ROPN1: variants seen among roughly 807,000 people sequenced by gnomAD.
ROPN1 encodes the protein ropporin-1A.
A neutral mutation model predicts 20.5 loss-of-function variants in ROPN1; 14 were observed. The ratio of observed to expected loss-of-function variants is 0.68; its 90% CI spans 0.45 to 1.07. The LOEUF (loss-of-function observed/expected upper bound fraction) is 1.07, where lower values mean the gene tolerates loss of function less well. Ranked by LOEUF, ROPN1 falls within the 50% of genes least tolerant of loss-of-function variation. The probability of loss-of-function intolerance (pLI) is 0.00; values close to 1 mark genes in which losing one functional copy is unlikely to be tolerated. For missense variants in ROPN1, 169 were observed against 242.8 expected (o/e 0.70, Z 2.02); for synonymous variants, 76 against 95.7 (o/e 0.79, Z 1.20).
intron 4 of ROPN1, 87 bp from the exon 5 acceptor site, chr3:123,970,304 A>C (rs1214053855): frequency 1.7e-6 from 2 of 1,198,772 alleles, no homozygotes; most frequent in Non-Finnish European, 2.4e-6. Context: ...GAAAACAAAA[A>C]TATTGCTCTT....
At position 123,980,362 on chromosome 3, in the gene ROPN1, G is replaced by T. The variant is rs749731397; in HGVS notation, c.116+4C>A. 3 of 1,614,072 alleles carry T rather than the reference G, an allele frequency of 1.9e-6. No individual in the cohort carries two copies. In the South Asian group the frequency reaches 3.3e-5, roughly 18 times the overall value. ...AGGGGTGAAGGCGAGAAAGGAGCAC[G>T]TACTCGGCTGCCCACTGGATGAGGT... is the stretch of plus-strand genomic sequence containing the variant. On this transcript the variant is annotated splice_donor_region_variant and intron_variant, in intron 2 of 5. Coordinates refer to ENST00000405845, the MANE Select transcript of ROPN1 (RefSeq NM_001317774.2).
chr3:123,969,915 A>T, intron 5 of ROPN1, 127 bp downstream of exon 5: 1 of 892,286 alleles, frequency 1.1e-6, no homozygotes, highest in Non-Finnish European at 1.7e-6. Flanking sequence ...CAGATCATCC[A>T]TATTTCATGT....
chr3:123,985,876 G>T (rs1023572746), intron 1 of ROPN1, among the ~76,000 whole-genome samples: 4 of 151,034 alleles, frequency 2.6e-5, no homozygotes, highest in Non-Finnish European at 5.9e-5. Flanking sequence ...GCCGGGCATG[G>T]TGGCACATGC....
chr3:123,978,853 A>T (rs1365425103), intron 2 of ROPN1: 4 of 153,328 alleles, frequency 2.6e-5, no homozygotes, highest in Admixed American at 6.6e-5. Flanking sequence ...ATGGATGTCT[A>T]AAAAAATTAT....
chr3:123,976,870 A>G lies in ROPN1; in HGVS notation c.228T>C (p.His76=). The change falls in exon 3 of 6, where the codon CAT becomes CAC. Residue 76 remains histidine (H), a synonymous_variant. Coordinates refer to ENST00000405845, the MANE Select transcript of ROPN1 (RefSeq NM_001317774.2). ...ELTPELLKIL[H]SQVAGRLIIR... ...GCTGCAGCAGGGCCCTTACCTGAGAATGCAGGATCTTTAACAGCTCAGGTG... is the reference window on the plus strand; with the variant it reads ...GCTGCAGCAGGGCCCTTACCTGAGAGTGCAGGATCTTTAACAGCTCAGGTG... 6.2e-7 allele frequency: 1 copy of G among 1,605,444 alleles called. No homozygotes were observed. The highest frequency in any genetic ancestry group is 8.5e-7 in the Non-Finnish European group (1 of 1,174,972).
intron 1 of ROPN1, among the ~76,000 whole-genome samples, chr3:123,987,859 A>G (rs781009560): frequency 5.9e-5 from 9 of 152,206 alleles, no homozygotes; most frequent in Non-Finnish European, 1.2e-4. Context: ...TTTATTATTT[A>G]ACAAATGAAT....
In ROPN1 at chr3:123,970,111, A is replaced by G. The variant is rs1242551055; in HGVS notation, c.503T>C (p.Ile168Thr). ...FSTFQFLYTY[I>T]AKVDGEISAS... ...AGAGATCTCCCCATCCACTTTGGCA[A>G]TATACGTGTAGAGAAACTGGAAGGT... Residue 168 changes from isoleucine to threonine, a missense_variant, in exon 5 of 6, where the codon ATT becomes ACT. Ile to Thr is a moderately conservative substitution (Grantham distance 89, BLOSUM62 -1). This residue lies in a region of ROPN1 where 82 missense variants were observed against 100.1 expected (regional missense o/e 0.82). Transcript: ENST00000405845. 24 of 1,614,094 alleles carry G rather than the reference A, an allele frequency of 1.5e-5. No individual in the cohort carries two copies. Among genetic ancestry groups the G allele is most frequent in the Non-Finnish European group, 1.9e-5 (22 of 1,180,050 alleles).
rs767711435 is a variant in ROPN1 at position 123,980,372 on chromosome 3, G to C, written c.110C>G (p.Ala37Gly). 1.4e-4 allele frequency: 234 copies of C among 1,614,060 alleles called. No homozygotes were observed. The highest frequency in any genetic ancestry group is 1.7e-4 in the Non-Finnish European group (197 of 1,180,024). ...GCGAGAAAGGAGCACGTACTCGGCT[G>C]CCCACTGGATGAGGTCCTGCGGCTG... ...RVQPQDLIQW[A>G]ADYFEALSRG... Residue 37 changes from alanine (A) to glycine (G), a missense_variant, in exon 2 of 6, where the codon GCA (alanine) becomes GGA (glycine). Ala to Gly is a moderately conservative substitution (Grantham distance 60). Transcript: ENST00000405845.
rs189333316 is a variant in ROPN1, at chr3:123,970,548, A to G, written c.397-331T>C. Among the ~76,000 whole-genome samples the G allele has an allele frequency of 4.7e-3, 717 of 152,304 alleles. 4 individuals are homozygous for G. Among genetic ancestry groups the G allele is most frequent in the Admixed American group, 7.9e-3 (121 of 15,296 alleles). On this transcript the variant is annotated intron_variant, in intron 4 of 5. Coordinates refer to ENST00000405845, the MANE Select transcript of ROPN1 (RefSeq NM_001317774.2). ...GGGAAGTTGATTTGCATTCTATATA[A>G]TTAGAATTATTTCTTCTTATTACCC... is the stretch of plus-strand genomic sequence containing the variant.
At chr3:123,990,326 G>A (rs2038377069) in intron 1 of ROPN1, among the ~76,000 whole-genome samples, 2 of 152,144 alleles carry the variant, frequency 1.3e-5, no homozygotes, top group Non-Finnish European at 2.9e-5. Context: ...AAGAGAAGGT[G>A]GAGAAGGAGG....
chr3:123,984,799 A>G (rs1170536154), intron 1 of ROPN1, among the ~76,000 whole-genome samples: 1 of 152,100 alleles, frequency 6.6e-6, no homozygotes, highest in Non-Finnish European at 1.5e-5. Context: ...CCCACTGTTA[A>G]CAGTAATCTA....
intron 1 of ROPN1, 84 bp from the exon 2 acceptor site, chr3:123,980,577 C>A: frequency 1.6e-6 from 2 of 1,229,822 alleles, no homozygotes; most frequent in South Asian, 2.9e-5. Context: ...GTCACCCAGC[C>A]TCTGTTTGAC....
chr3:123,981,101 G>T lies in ROPN1; in HGVS notation c.-12-608C>A, dbSNP rs545078243. Among the ~76,000 whole-genome samples, 5 of 152,248 alleles carry T rather than the reference G, an allele frequency of 3.3e-5. No individual in the cohort carries two copies. The South Asian group carries it at 1.0e-3, about 32-fold the overall frequency. On this transcript the variant is annotated intron_variant, in intron 1 of 5. Transcript: ENST00000405845. Reference sequence around the variant, plus strand: ...CTCTCAAAAAGTTCCAGGACAAATTGAAACAAAATATGAAAATCCATAAAG... The same window carrying T: ...CTCTCAAAAAGTTCCAGGACAAATTTAAACAAAATATGAAAATCCATAAAG...
At position 123,973,647 on chromosome 3, in the gene ROPN1, T is replaced by C. The variant is rs183052085; in HGVS notation, c.396+1732A>G. Among the ~76,000 whole-genome samples, 19 of 152,248 alleles carry C rather than the reference T, an allele frequency of 1.2e-4. No homozygotes were observed. The East Asian group carries it at 3.7e-3, about 29-fold the overall frequency. ...AATCTGACTTTCCAAAGTCACTCTT[T>C]GTTACTGTGAGGTATGGGGATAAGG... is the stretch of plus-strand genomic sequence containing the variant. On this transcript the variant is annotated intron_variant, in intron 4 of 5. Coordinates refer to ENST00000405845, the MANE Select transcript of ROPN1 (RefSeq NM_001317774.2).
chr3:123,990,154 T>C (rs2038370529), intron 1 of ROPN1, among the ~76,000 whole-genome samples: 1 of 152,154 alleles, frequency 6.6e-6, no homozygotes, highest in East Asian at 1.9e-4. Flanking sequence ...TAGGAGAATA[T>C]GGCAGCACTT....
At chr3:123,971,434 A>G (rs1179561502) in intron 4 of ROPN1, among the ~76,000 whole-genome samples, 2 of 152,258 alleles carry the variant, frequency 1.3e-5, no homozygotes, top group Non-Finnish European at 2.9e-5. Flanking sequence ...GTTATTTTAT[A>G]AAACAGAATC....
intron 1 of ROPN1, 24 bp from the exon 2 acceptor site, chr3:123,980,517 G>C: frequency 6.2e-7 from 1 of 1,604,822 alleles, no homozygotes; most frequent in Non-Finnish European, 8.5e-7. Flanking sequence ...AAAAAAATAC[G>C]TTAAGATGAA....
chr3:123,976,904 G>T lies in ROPN1; in HGVS notation c.194C>A (p.Ala65Glu). 2.5e-6 allele frequency: 4 copies of T among 1,614,080 alleles called. No homozygotes were observed. The highest frequency in any genetic ancestry group is 3.4e-6 in the Non-Finnish European group (4 of 1,179,986). ...CTTTAACAGCTCAGGTGTTAGCTCTGCCCGGTTACACAAAGCGACTCGCTC... is the reference window on the plus strand; with the variant it reads ...CTTTAACAGCTCAGGTGTTAGCTCTTCCCGGTTACACAAAGCGACTCGCTC... ...RSERVALCNR[A>E]ELTPELLKIL... The change falls in exon 3 of 6, where the codon GCA (alanine) becomes GAA (glutamate). Residue 65 changes from alanine to glutamate, a missense_variant. Ala to Glu is a moderately radical substitution (Grantham distance 107). This residue lies in a region of ROPN1 where 84 missense variants were observed against 99.3 expected (regional missense o/e 0.85). Transcript: ENST00000405845.
chr3:123,987,044 T>C (rs11709022), intron 1 of ROPN1, among the ~76,000 whole-genome samples: 1,901 of 152,346 alleles, frequency 0.012, 17 homozygotes, highest in Non-Finnish European at 0.016. Flanking sequence ...AAGTCTCTTA[T>C]TGGAGCAAGT....
Sources: allele counts gnomAD v4.1 joint callset (sites outside exome capture counted in the v4.1 genomes callset), GRCh38; gene constraint gnomAD v4.1.1; regional missense constraint gnomAD v4.1.1; transcripts MANE v1.5; gene names NCBI Gene and HGNC (gene_info 2026-07-23, HGNC 2026-07-21).